Variants in ZNF782 observed in about 807,000 individuals in gnomAD.
ZNF782 encodes the protein zinc finger protein 782.
A neutral mutation model predicts 13.0 loss-of-function variants in ZNF782; 12 were observed. That is an observed-to-expected ratio of 0.92 (90% confidence interval 0.59 to 1.50). ZNF782 has a LOEUF of 1.50. Among genes scored for constraint, ZNF782 ranks in the 40% most tolerant of loss-of-function variants. The pLI is 0.00. For synonymous variants in ZNF782, 284 were observed against 283.0 expected (o/e 1.00, Z -0.04); for missense variants, 770 against 822.9 (o/e 0.94, Z 0.79).
At chr9:96,822,076 G>C (rs892480657) in intron 5 of ZNF782, among the ~76,000 whole-genome samples, 2 of 152,040 alleles carry the variant, frequency 1.3e-5, no homozygotes, top group Non-Finnish European at 2.9e-5. Flanking sequence ...TTTATATGAA[G>C]ACAGTGACTG....
chr9:96,916,014 T>C, the ZNF782 span, among the ~76,000 whole-genome samples: 1 of 151,318 alleles, frequency 6.6e-6, no homozygotes, highest in African/African-American at 2.4e-5. Flanking sequence ...GTGAAGGATA[T>C]AAACAGGAGA....
chr9:96,927,065 C>T, the ZNF782 span, among the ~76,000 whole-genome samples: 5,055 of 151,370 alleles, frequency 0.033, 324 homozygotes, highest in East Asian at 0.31. Context: ...TCCTGTCATT[C>T]TGACGCTGAT....
chr9:96,897,460 G>A, the ZNF782 span, among the ~76,000 whole-genome samples: 1 of 152,188 alleles, frequency 6.6e-6, no homozygotes, highest in Non-Finnish European at 1.5e-5. Flanking sequence ...TCTCAGGATT[G>A]GAAGGTGCTG....
At chr9:96,873,396 C>T (rs1300524673) in intron 1 of ZNF782, among the ~76,000 whole-genome samples, 1 of 152,140 alleles carries the variant, frequency 6.6e-6, no homozygotes, top group Admixed American at 6.5e-5. Context: ...GACATAAATC[C>T]ATGACTTCAA....
chr9:96,848,266 C>A (rs1018764976), intron 3 of ZNF782, among the ~76,000 whole-genome samples: 5 of 152,098 alleles, frequency 3.3e-5, no homozygotes, highest in Admixed American at 2.6e-4. Context: ...GACAAGGATG[C>A]CCGCTTTCAC....
the ZNF782 span, among the ~76,000 whole-genome samples, chr9:96,901,728 C>T: frequency 1.3e-5 from 2 of 151,328 alleles, no homozygotes; most frequent in African/African-American, 2.4e-5. Flanking sequence ...CAAAAATTAG[C>T]TGGGCGTGGG....
At chr9:96,827,858 G>C (rs1466229716) in intron 4 of ZNF782, among the ~76,000 whole-genome samples, 1 of 152,212 alleles carries the variant, frequency 6.6e-6, no homozygotes, top group East Asian at 1.9e-4. Context: ...TGAAAGTAGA[G>C]AAACAATGAG....
chr9:96,886,208 G>GAA, the ZNF782 span, among the ~76,000 whole-genome samples: 1,906 of 88,398 alleles, frequency 0.022, 33 homozygotes, highest in African/African-American at 0.044. Context: ...TTTAAGTACA[G>GAA]AAAAAAAAAA....
At chr9:96,921,908 G>A in the ZNF782 span, among the ~76,000 whole-genome samples, 1 of 150,578 alleles carries the variant, frequency 6.6e-6, no homozygotes, top group Non-Finnish European at 1.5e-5. Context: ...TGGCTAGGCT[G>A]GTCTCAAACT....
intron 4 of ZNF782, among the ~76,000 whole-genome samples, chr9:96,844,047 G>A (rs186782465): frequency 5.4e-4 from 82 of 152,268 alleles, no homozygotes; most frequent in Middle Eastern, 3.4e-3. Flanking sequence ...TCAGGAAAAT[G>A]CAAATTAAAA....
At chr9:96,859,142 G>A (rs1851676234), upstream of ZNF782, among the ~76,000 whole-genome samples, 1 of 152,222 alleles carries the variant, frequency 6.6e-6, no homozygotes, top group African/African-American at 2.4e-5. Context: ...GTTGTGGAAA[G>A]CCTGGCTACT....
At chr9:96,886,625 A>T in the ZNF782 span, among the ~76,000 whole-genome samples, 3 of 152,182 alleles carry the variant, frequency 2.0e-5, no homozygotes, top group Admixed American at 2.0e-4. Context: ...AAGCTGTATG[A>T]TCAAAAACAC....
the ZNF782 span, among the ~76,000 whole-genome samples, chr9:96,907,563 C>T: frequency 6.6e-6 from 1 of 152,278 alleles, no homozygotes; most frequent in African/African-American, 2.4e-5. Flanking sequence ...GGGTCCCATT[C>T]TGTTCCATTG....
At chr9:96,846,918 AAGAC>A (rs1289741080) in intron 3 of ZNF782, among the ~76,000 whole-genome samples, 1 of 152,196 alleles carries the variant, frequency 6.6e-6, no homozygotes, top group Non-Finnish European at 1.5e-5. Context: ...GACATTCTCA[AAGAC>A]AGATCATATG....
chr9:96,866,254 C>T (rs1283326173), intron 1 of ZNF782, among the ~76,000 whole-genome samples: 1 of 152,142 alleles, frequency 6.6e-6, no homozygotes, highest in Non-Finnish European at 1.5e-5. Flanking sequence ...GTGGGCTGTG[C>T]CCGGGGTTCC....
chr9:96,933,436 T>A, the ZNF782 span: 1 of 151,708 alleles, frequency 6.6e-6, no homozygotes, highest in African/African-American at 2.4e-5. Flanking sequence ...AATGGTGCGA[T>A]CTTGGCTCAC....
the ZNF782 span, chr9:96,892,718 A>T: frequency 1.3e-5 from 2 of 152,018 alleles, no homozygotes; most frequent in African/African-American, 4.8e-5. Flanking sequence ...ATGCATCTTA[A>T]TTTTTTTAAA....
the ZNF782 span, among the ~76,000 whole-genome samples, chr9:96,931,180 G>A: frequency 1.1e-3 from 161 of 152,206 alleles, no homozygotes; most frequent in African/African-American, 3.9e-3. Context: ...GAACCAGCAT[G>A]CCCGGCCTAT....
At chr9:96,916,313 A>G in the ZNF782 span, among the ~76,000 whole-genome samples, 7 of 151,934 alleles carry the variant, frequency 4.6e-5, no homozygotes, top group Admixed American at 3.9e-4. Flanking sequence ...CAACATGGTG[A>G]ACCCTGTCTC....
Sources: allele counts gnomAD v4.1 joint callset (sites outside exome capture counted in the v4.1 genomes callset), GRCh38; gene constraint gnomAD v4.1.1; transcripts MANE v1.5; gene names NCBI Gene and HGNC (gene_info 2026-07-23, HGNC 2026-07-21).